The following EGFR variants were observed in gnomAD, a reference collection of about 807,000 sequenced individuals.
The protein encoded by EGFR is avian erythroblastic leukemia viral (v-erb-b) oncogene homolog.
In EGFR, 58 loss-of-function variants were observed where a neutral mutation model predicts 143.0. The observed-to-expected ratio is 0.41, with a 90% CI of 0.33 to 0.50. EGFR has a LOEUF of 0.50. EGFR is among the 20% of genes least tolerant of loss of function. The pLI, the probability that EGFR is intolerant of heterozygous loss-of-function variation, is 0.39. For missense variants in EGFR, 1,307 were observed against 1,579.0 expected (o/e 0.83, Z 2.92); for synonymous variants, 613 against 594.4 (o/e 1.03, Z -0.45).
intron 11 of EGFR, among the ~76,000 whole-genome samples, chr7:55,158,292 T>A (rs1437434771): frequency 5.3e-5 from 8 of 152,218 alleles, no homozygotes; most frequent in Non-Finnish European, 8.8e-5. Context: ...ATCTTTAATA[T>A]GGTAATGGTA....
At position 55,206,180 on chromosome 7, in the gene EGFR, T is replaced by G; in HGVS notation, c.*563T>G. 2 of 264,602 alleles carry G rather than the reference T, an allele frequency of 7.6e-6. No individual in the cohort carries two copies. The highest frequency in any genetic ancestry group is 4.8e-5 in the Admixed American group (1 of 20,806). The allele number at this position is 264,602 out of a possible 1,614,324, so 16.4% of individuals were successfully genotyped here. A position where few individuals can be genotyped will look rare whatever the true frequency, so the allele number is the denominator to read the frequency against. ...TGGCCCCAGCAGGCCGGATCGGTAC[T>G]GTATCAAGTCATGGCAGGTACAGTA... On this transcript the variant is annotated 3_prime_UTR_variant, in exon 28 of 28. Coordinates refer to ENST00000275493, the MANE Select transcript of EGFR (RefSeq NM_005228.5).
chr7:55,188,088 G>A (rs562350876), intron 20 of EGFR, among the ~76,000 whole-genome samples: 4 of 152,262 alleles, frequency 2.6e-5, no homozygotes, highest in African/African-American at 9.6e-5. Context: ...TGAAGATGAT[G>A]AACCTTAAGC....
intron 5 of EGFR, 66 bp from the exon 6 acceptor site, chr7:55,152,480 C>A: frequency 7.0e-7 from 1 of 1,428,494 alleles, no homozygotes; most frequent in Non-Finnish European, 9.9e-7. Context: ...AAGTGCTCTG[C>A]GACATCCCTG....
intron 1 of EGFR, among the ~76,000 whole-genome samples, chr7:55,111,375 T>G (rs961068158): frequency 6.6e-6 from 1 of 152,110 alleles, no homozygotes; most frequent in Non-Finnish European, 1.5e-5. Flanking sequence ...TTTTGTTTTT[T>G]TTTTTTTCTA....
chr7:55,041,301 T>C (rs10244020), intron 1 of EGFR, among the ~76,000 whole-genome samples: 88,877 of 152,086 alleles, frequency 0.58, 27,174 homozygotes, highest in East Asian at 0.95. Flanking sequence ...ATCCCAGCTA[T>C]TCGGGAGGCG....
chr7:55,128,872 T>C (rs1039281562), intron 1 of EGFR, among the ~76,000 whole-genome samples: 4 of 152,204 alleles, frequency 2.6e-5, no homozygotes, highest in Admixed American at 2.6e-4. Context: ...CTACTATTAA[T>C]AGATGGAATA....
At chr7:55,184,160 G>C (rs963992850) in intron 20 of EGFR, among the ~76,000 whole-genome samples, 1 of 152,210 alleles carries the variant, frequency 6.6e-6, no homozygotes, top group African/African-American at 2.4e-5. Flanking sequence ...TTGTCTTTCT[G>C]GGAGGTAGGG....
At chr7:55,036,498 T>C (rs1268904551) in intron 1 of EGFR, among the ~76,000 whole-genome samples, 1 of 152,194 alleles carries the variant, frequency 6.6e-6, no homozygotes, top group Non-Finnish European at 1.5e-5. Context: ...CCTATGTGTA[T>C]ATGATACCAT....
chr7:55,161,628 AG>A lies in EGFR; in HGVS notation c.1631+1del. On this transcript the variant is annotated frameshift_variant and splice_region_variant, in exon 13 of 28. Transcript: ENST00000275493. LOFTEE classifies it high-confidence loss of function. ...TGCGTGGACAAGTGCAACCTTCTGG[AG>A]GGGTAGGAGGTTATTTCTTTAATCC... is the stretch of plus-strand genomic sequence containing the variant. ...RECVDKCNLL[E>X]GEPREFVENS... 6.2e-7 allele frequency: 1 copy of A among 1,614,234 alleles called. No homozygotes were observed. The highest frequency in any genetic ancestry group is 8.5e-7 in the Non-Finnish European group (1 of 1,180,028).
intron 1 of EGFR, among the ~76,000 whole-genome samples, chr7:55,137,661 A>T (rs1364923808): frequency 6.6e-6 from 1 of 152,214 alleles, no homozygotes; most frequent in Admixed American, 6.5e-5. Flanking sequence ...TGCCCCTGAC[A>T]GCCAAGTGGA....
At chr7:55,195,768 G>A (rs143910232) in intron 22 of EGFR, among the ~76,000 whole-genome samples, 8 of 152,186 alleles carry the variant, frequency 5.3e-5, no homozygotes, top group African/African-American at 7.2e-5. Flanking sequence ...AAGAACATGC[G>A]GTATTTGATT....
intron 1 of EGFR, among the ~76,000 whole-genome samples, chr7:55,040,977 A>G (rs1787862119): frequency 6.6e-6 from 1 of 152,248 alleles, no homozygotes; most frequent in African/African-American, 2.4e-5. Context: ...AACCCTGACA[A>G]CTTGATGATC....
intron 1 of EGFR, 62 bp from the exon 2 acceptor site, chr7:55,142,224 G>C: frequency 1.9e-6 from 3 of 1,603,596 alleles, no homozygotes; most frequent in Non-Finnish European, 2.6e-6. Flanking sequence ...TTGAGGGATT[G>C]TTTTATTTTA....
At chr7:55,060,805 A>G (rs759910226) in intron 1 of EGFR, among the ~76,000 whole-genome samples, 6 of 152,216 alleles carry the variant, frequency 3.9e-5, no homozygotes, top group Non-Finnish European at 7.3e-5. Flanking sequence ...TGTGGCCTGA[A>G]GAGACAAGGG....
chr7:55,064,348 T>C (rs1789374487), intron 1 of EGFR, among the ~76,000 whole-genome samples: 2 of 152,246 alleles, frequency 1.3e-5, no homozygotes, highest in African/African-American at 4.8e-5. Context: ...AATGGAGTAC[T>C]CATTGCAATT....
In EGFR at chr7:55,184,090, G is replaced by A. The variant is rs150590604; in HGVS notation, c.2469+2612G>A. 3.3e-3 allele frequency among the ~76,000 whole-genome samples: 501 copies of A among 152,364 alleles called. 5 individuals carry two copies. The highest frequency in any genetic ancestry group is 0.011 in the African/African-American group (464 of 41,584). Reference sequence around the variant, plus strand: ...ATTCTGGCGCATTCGCCGTGTGAACGGGGGCACGTTGCTGGCCTGTCTGCG... The same window carrying A: ...ATTCTGGCGCATTCGCCGTGTGAACAGGGGCACGTTGCTGGCCTGTCTGCG... On this transcript the variant is annotated intron_variant, in intron 20 of 27. Transcript: ENST00000275493.
intron 1 of EGFR, among the ~76,000 whole-genome samples, chr7:55,045,394 G>T (rs1444961807): frequency 6.6e-6 from 1 of 152,152 alleles, no homozygotes; most frequent in Non-Finnish European, 1.5e-5. Flanking sequence ...CTAAACAATT[G>T]ATTGAACTTC....
chr7:55,092,343 C>T (rs944930972), intron 1 of EGFR, among the ~76,000 whole-genome samples: 5 of 152,220 alleles, frequency 3.3e-5, no homozygotes, highest in Non-Finnish European at 7.3e-5. Flanking sequence ...TCAGGTTGAA[C>T]ATTTGCCTTA....
In EGFR at chr7:55,053,566, C is replaced by T. The variant is rs76343595; in HGVS notation, c.88+34201C>T. Among the ~76,000 whole-genome samples, 1,091 of 152,346 alleles carry T rather than the reference C, an allele frequency of 7.2e-3. 25 individuals carry two copies. The highest frequency in any genetic ancestry group is 0.049 in the East Asian group (256 of 5,182). ...CTCCCAGAGTTCCTCCAAGAAATTG[C>T]GGAGCAATGCCTGTTTCATGAGAGC... On this transcript the variant is annotated intron_variant, in intron 1 of 27. Coordinates refer to ENST00000275493, the MANE Select transcript of EGFR (RefSeq NM_005228.5).
Sources: gnomAD v4.1 joint callset for allele counts (sites outside exome capture counted in the v4.1 genomes callset) on GRCh38, gnomAD v4.1.1 for gene constraint, MANE v1.5 for transcripts, NCBI Gene and HGNC (gene_info 2026-07-23, HGNC 2026-07-21) for gene names.